The following ZFAT variants were observed in gnomAD, a reference collection of about 807,000 sequenced individuals.
ZFAT encodes zinc finger protein ZFAT.
In ZFAT, 64 loss-of-function variants were observed where a neutral mutation model predicts 117.7. The observed-to-expected ratio is 0.54, with a 90% CI of 0.44 to 0.67. The LOEUF (loss-of-function observed/expected upper bound fraction) is 0.67, where lower values mean the gene tolerates loss of function less well. Among genes scored for constraint, ZFAT ranks in the 30% least tolerant of loss-of-function variants. The pLI is 0.00. For synonymous variants in ZFAT, 679 were observed against 615.0 expected (o/e 1.10, Z -1.54); for missense variants, 1,433 against 1,584.5 (o/e 0.90, Z 1.62).
At chr8:134,812,891 T>C in the ZFAT span, among the ~76,000 whole-genome samples, 2 of 152,244 alleles carry the variant, frequency 1.3e-5, no homozygotes, top group South Asian at 2.1e-4. Flanking sequence ...GTGTTATCTA[T>C]CCTCTTTTTG....
chr8:134,760,750 T>C, the ZFAT span, among the ~76,000 whole-genome samples: 1 of 152,218 alleles, frequency 6.6e-6, no homozygotes, highest in Non-Finnish European at 1.5e-5. Context: ...GTTCCAGGGA[T>C]ACTTTTCAAA....
chr8:134,802,353 G>GT, the ZFAT span, among the ~76,000 whole-genome samples: 1 of 152,218 alleles, frequency 6.6e-6, no homozygotes, highest in African/African-American at 2.4e-5. Context: ...GAATAAAGCT[G>GT]TAACAAGAGT....
chr8:134,737,261 C>G, the ZFAT span, among the ~76,000 whole-genome samples: 1 of 151,160 alleles, frequency 6.6e-6, no homozygotes, highest in African/African-American at 2.4e-5. Context: ...GCCTGGGCAA[C>G]AAGAGCAAAA....
chr8:134,703,730 G>A (rs1009425967), intron 1 of ZFAT, among the ~76,000 whole-genome samples: 2 of 152,210 alleles, frequency 1.3e-5, no homozygotes, highest in Non-Finnish European at 2.9e-5. Context: ...CTACAGAAAT[G>A]ATAGTTATGA....
At chr8:134,713,870 C>T (rs1211587137), upstream of ZFAT, among the ~76,000 whole-genome samples, 1 of 110,798 alleles carries the variant, frequency 9.0e-6, no homozygotes, top group East Asian at 2.7e-4. Flanking sequence ...TCCTATCTGT[C>T]ATTATCTCCC....
chr8:134,487,037 T>C (rs1226765104), intron 15 of ZFAT, among the ~76,000 whole-genome samples: 1 of 152,226 alleles, frequency 6.6e-6, no homozygotes, highest in African/African-American at 2.4e-5. Context: ...TATATTTGCA[T>C]ATGTCTACGT....
At chr8:134,615,950 CG>C (rs1828699143) in intron 3 of ZFAT, among the ~76,000 whole-genome samples, 1 of 152,174 alleles carries the variant, frequency 6.6e-6, no homozygotes, top group Admixed American at 6.5e-5. Flanking sequence ...AAAAAGAACA[CG>C]CATGCTCGCT....
intron 3 of ZFAT, among the ~76,000 whole-genome samples, chr8:134,612,824 A>G (rs145834371): frequency 5.2e-5 from 8 of 152,390 alleles, no homozygotes; most frequent in Non-Finnish European, 1.0e-4. Flanking sequence ...CCTCCTTTGA[A>G]GAGCATGATG....
the ZFAT span, among the ~76,000 whole-genome samples, chr8:134,777,082 C>A: frequency 6.6e-6 from 1 of 152,184 alleles, no homozygotes; most frequent in Non-Finnish European, 1.5e-5. Context: ...ATAATTAGTT[C>A]TGTAACCTTG....
intron 12 of ZFAT, among the ~76,000 whole-genome samples, chr8:134,522,857 T>C (rs1820759994): frequency 6.6e-6 from 1 of 151,304 alleles, no homozygotes; most frequent in African/African-American, 2.4e-5. Context: ...TATTGTCGAC[T>C]TCCTCTTTCA....
chr8:134,660,795 A>G (rs2131217849), intron 1 of ZFAT, among the ~76,000 whole-genome samples: 2 of 152,348 alleles, frequency 1.3e-5, no homozygotes, highest in South Asian at 4.1e-4. Flanking sequence ...CACTGCCCAG[A>G]GATTACATAA....
At chr8:134,753,850 G>A in the ZFAT span, among the ~76,000 whole-genome samples, 2 of 152,176 alleles carry the variant, frequency 1.3e-5, no homozygotes, top group Admixed American at 6.5e-5. Flanking sequence ...TTACGGTGGC[G>A]TAATTATGTG....
At chr8:134,561,774 G>A (rs1824070103) in intron 11 of ZFAT, among the ~76,000 whole-genome samples, 3 of 152,122 alleles carry the variant, frequency 2.0e-5, no homozygotes, top group Admixed American at 2.0e-4. Context: ...AAAAAAGCGA[G>A]ACTTGATTTC....
At chr8:134,666,904 G>A (rs1304716633) in intron 1 of ZFAT, among the ~76,000 whole-genome samples, 1 of 152,172 alleles carries the variant, frequency 6.6e-6, no homozygotes, top group Non-Finnish European at 1.5e-5. Context: ...AATTCAAGAA[G>A]CTGAGCAAAC....
intron 12 of ZFAT, among the ~76,000 whole-genome samples, chr8:134,530,009 C>T (rs888495601): frequency 2.5e-4 from 38 of 152,200 alleles, no homozygotes; most frequent in Non-Finnish European, 3.7e-4. Context: ...CTCTGCAGCA[C>T]TGTGCACTGA....
chr8:134,502,573 G>A (rs1432363152), intron 15 of ZFAT, among the ~76,000 whole-genome samples: 1 of 152,238 alleles, frequency 6.6e-6, no homozygotes, highest in Non-Finnish European at 1.5e-5. Context: ...CCCAGGGTGG[G>A]GGCTCTGCCT....
the ZFAT span, among the ~76,000 whole-genome samples, chr8:134,719,222 T>A: frequency 6.6e-6 from 1 of 152,222 alleles, no homozygotes; most frequent in Non-Finnish European, 1.5e-5. Context: ...AGGGGGAGGA[T>A]TTGGAAGCCC....
intron 7 of ZFAT, among the ~76,000 whole-genome samples, chr8:134,592,289 A>G (rs983760575): frequency 6.6e-6 from 1 of 152,234 alleles, no homozygotes; most frequent in Non-Finnish European, 1.5e-5. Flanking sequence ...TCACTTCTTA[A>G]GAACTCACTG....
the ZFAT span, among the ~76,000 whole-genome samples, chr8:134,728,129 C>A: frequency 6.6e-6 from 1 of 151,308 alleles, no homozygotes; most frequent in Non-Finnish European, 1.5e-5. Flanking sequence ...CTTGAGATTC[C>A]AATATTAAAT....
Sources: gnomAD v4.1 joint callset for allele counts (sites outside exome capture counted in the v4.1 genomes callset) on GRCh38, gnomAD v4.1.1 for gene constraint, MANE v1.5 for transcripts, NCBI Gene and HGNC (gene_info 2026-07-23, HGNC 2026-07-21) for gene names.